GPM6A: variants seen among roughly 807,000 people sequenced by gnomAD.
GPM6A encodes the protein neuronal membrane glycoprotein M6-a.
A neutral mutation model predicts 32.1 loss-of-function variants in GPM6A; 7 were observed. That is an observed-to-expected ratio of 0.22 (90% CI 0.12 to 0.41). GPM6A has a LOEUF of 0.41. Among genes scored for constraint, GPM6A ranks in the 10% least tolerant of loss-of-function variants. The probability of loss-of-function intolerance (pLI) is 1.00; values close to 1 mark genes in which losing one functional copy is unlikely to be tolerated. For synonymous variants in GPM6A, 130 were observed against 123.4 expected, an observed-to-expected ratio of 1.05 and a Z score of -0.35; for missense variants, 235 against 347.2, an observed-to-expected ratio of 0.68 and a Z score of 2.57.
intron 2 of GPM6A, among the ~76,000 whole-genome samples, chr4:175,690,005 T>C (rs1744208542): frequency 6.6e-6 from 1 of 152,192 alleles, no homozygotes; most frequent in African/African-American, 2.4e-5. Flanking sequence ...ATAAGATTGC[T>C]CTTGTCCCCT....
At chr4:175,992,523 A>G (rs1045081207) in intron 1 of GPM6A, among the ~76,000 whole-genome samples, 1 of 152,186 alleles carries the variant, frequency 6.6e-6, no homozygotes, top group Non-Finnish European at 1.5e-5. Context: ...CAATTGATTG[A>G]TTGACTAGTT....
intron 1 of GPM6A, among the ~76,000 whole-genome samples, chr4:175,829,009 C>T (rs1462601103): frequency 2.0e-5 from 3 of 152,148 alleles, no homozygotes; most frequent in East Asian, 1.9e-4. Context: ...CTGCAACCTC[C>T]ACCTCCCCAG....
intron 1 of GPM6A, among the ~76,000 whole-genome samples, chr4:175,848,360 T>C (rs1368914560): frequency 1.3e-5 from 2 of 152,172 alleles, no homozygotes; most frequent in African/African-American, 4.8e-5. Flanking sequence ...TTTCATTCCT[T>C]CTGGGACTCA....
chr4:175,922,036 G>C (rs1209708205), intron 1 of GPM6A, among the ~76,000 whole-genome samples: 1 of 152,176 alleles, frequency 6.6e-6, no homozygotes, highest in Non-Finnish European at 1.5e-5. Context: ...AAGACCAAGA[G>C]AGATGAGCTT....
chr4:175,963,404 G>A (rs752136862), intron 1 of GPM6A, among the ~76,000 whole-genome samples: 2 of 149,668 alleles, frequency 1.3e-5, no homozygotes, highest in Admixed American at 6.6e-5. Flanking sequence ...GAAAGAAGCC[G>A]GGTTGGGGTG....
At chr4:175,738,965 G>A (rs1449949494) in intron 1 of GPM6A, among the ~76,000 whole-genome samples, 1 of 152,120 alleles carries the variant, frequency 6.6e-6, no homozygotes, top group South Asian at 2.1e-4. Flanking sequence ...AAGGCTAGTA[G>A]TCTTTGCTTT....
intron 1 of GPM6A, among the ~76,000 whole-genome samples, chr4:175,950,415 T>A (rs74568463): frequency 0.018 from 2,749 of 152,288 alleles, 68 homozygotes; most frequent in African/African-American, 0.062. Context: ...TACAACTGGA[T>A]ATAATTTTGA....
At chr4:175,883,669 T>C (rs1737353667) in intron 1 of GPM6A, among the ~76,000 whole-genome samples, 1 of 152,168 alleles carries the variant, frequency 6.6e-6, no homozygotes, top group South Asian at 2.1e-4. Flanking sequence ...TCCGCAATAT[T>C]GACAACTCTG....
At chr4:175,931,392 T>C (rs1217757841) in intron 1 of GPM6A, among the ~76,000 whole-genome samples, 1 of 152,148 alleles carries the variant, frequency 6.6e-6, no homozygotes, top group Non-Finnish European at 1.5e-5. Flanking sequence ...CCTTGCAGTG[T>C]AGAAGTTTGG....
At chr4:175,979,361 A>T (rs1740755816) in intron 1 of GPM6A, among the ~76,000 whole-genome samples, 1 of 152,238 alleles carries the variant, frequency 6.6e-6, no homozygotes, top group African/African-American at 2.4e-5. Flanking sequence ...TGAGTCAATT[A>T]TTCCGTTCTT....
chr4:175,688,618 A>G (rs182589138), intron 2 of GPM6A, among the ~76,000 whole-genome samples: 1,769 of 149,376 alleles, frequency 0.012, 39 homozygotes, highest in African/African-American at 0.041. Flanking sequence ...GTTAAAAATA[A>G]TTTATTTCAA....
chr4:175,952,327 A>C (rs1281555810), intron 1 of GPM6A, among the ~76,000 whole-genome samples: 1 of 152,198 alleles, frequency 6.6e-6, no homozygotes, highest in African/African-American at 2.4e-5. Flanking sequence ...GTACACTTCA[A>C]AGCTAGATGT....
chr4:175,638,079 A>G (rs1257559151), intron 6 of GPM6A, among the ~76,000 whole-genome samples: 1 of 149,692 alleles, frequency 6.7e-6, no homozygotes, highest in Non-Finnish European at 1.5e-5. Context: ...TGCTAAGTCG[A>G]TTTACTTTGT....
At chr4:175,719,080 C>A (rs1278161368) in intron 1 of GPM6A, among the ~76,000 whole-genome samples, 3 of 152,006 alleles carry the variant, frequency 2.0e-5, no homozygotes, top group Non-Finnish European at 2.9e-5. Flanking sequence ...ATTTTTAATG[C>A]AATCTGGCTT....
intron 1 of GPM6A, among the ~76,000 whole-genome samples, chr4:175,738,254 C>A (rs1417835056): frequency 5.9e-5 from 9 of 151,982 alleles, no homozygotes; most frequent in Admixed American, 6.6e-5. Context: ...ACTTCTAACA[C>A]TGGGGATTAC....
At chr4:175,684,369 C>G (rs368390877) in intron 2 of GPM6A, among the ~76,000 whole-genome samples, 14 of 152,064 alleles carry the variant, frequency 9.2e-5, no homozygotes, top group Admixed American at 3.9e-4. Context: ...CAGTTAGAAG[C>G]CTTTACCTAC....
intron 3 of GPM6A, among the ~76,000 whole-genome samples, chr4:175,652,520 TAA>T (rs1020518430): frequency 1.3e-5 from 2 of 151,944 alleles, no homozygotes; most frequent in African/African-American, 4.8e-5. Context: ...TTTATAAACT[TAA>T]GTCTGTTTTG....
At chr4:175,985,960 C>A (rs1740960791) in intron 1 of GPM6A, among the ~76,000 whole-genome samples, 1 of 152,020 alleles carries the variant, frequency 6.6e-6, no homozygotes, top group South Asian at 2.1e-4. Context: ...CACGTGCCAC[C>A]ATACCCAGCT....
chr4:175,773,590 T>C (rs529381519), intron 1 of GPM6A, among the ~76,000 whole-genome samples: 1 of 152,304 alleles, frequency 6.6e-6, no homozygotes, highest in East Asian at 1.9e-4. Flanking sequence ...ATGACATGTA[T>C]ATATTAGCAC....
Sources: gnomAD v4.1 joint callset for allele counts (sites outside exome capture counted in the v4.1 genomes callset) on GRCh38, gnomAD v4.1.1 for gene constraint, MANE v1.5 for transcripts, NCBI Gene and HGNC (gene_info 2026-07-23, HGNC 2026-07-21) for gene names.